Variants in FAM185A observed in about 807,000 individuals in gnomAD.
The protein encoded by FAM185A is family with sequence similarity 185 member A, also known as protein FAM185A.
In FAM185A, 21 loss-of-function variants were observed where a neutral mutation model predicts 45.7. That is an observed-to-expected ratio of 0.46 (90% confidence interval 0.33 to 0.66). The LOEUF (loss-of-function observed/expected upper bound fraction) is 0.66, where lower values mean the gene tolerates loss of function less well. Ranked by LOEUF, FAM185A falls within the 30% of genes least tolerant of loss-of-function variation. The pLI, the probability that FAM185A is intolerant of heterozygous loss-of-function variation, is 0.03. For synonymous variants in FAM185A, 117 were observed against 194.0 expected, an observed-to-expected ratio of 0.60 and a Z score of 3.30; for missense variants, 305 against 485.4, an observed-to-expected ratio of 0.63 and a Z score of 3.49.
chr7:102,837,830 A>G, the FAM185A span, among the ~76,000 whole-genome samples: 2,570 of 152,386 alleles, frequency 0.017, 67 homozygotes, highest in African/African-American at 0.059. Context: ...GGCATGAGCC[A>G]CTACGCCCAG....
At chr7:102,841,120 GGT>G in the FAM185A span, among the ~76,000 whole-genome samples, 1 of 152,130 alleles carries the variant, frequency 6.6e-6, no homozygotes, top group Non-Finnish European at 1.5e-5. Context: ...GCAAAGCCTA[GGT>G]GTGTCACATA....
At chr7:102,766,084 T>C (rs1794376256) in intron 4 of FAM185A, among the ~76,000 whole-genome samples, 1 of 152,252 alleles carries the variant, frequency 6.6e-6, no homozygotes. Context: ...TCTGACTCTA[T>C]TGGAGACAAT....
intron 5 of FAM185A, among the ~76,000 whole-genome samples, chr7:102,776,116 A>ACATATACACACACACATACAC (rs1198677194): frequency 7.9e-6 from 1 of 126,596 alleles, no homozygotes; most frequent in African/African-American, 3.7e-5. Flanking sequence ...ACACACACAC[A>ACATATACACACACACATACAC]AATGTTTTCT....
chr7:102,850,003 G>GT, the FAM185A span, among the ~76,000 whole-genome samples: 5 of 149,236 alleles, frequency 3.4e-5, no homozygotes, highest in East Asian at 3.9e-4. Flanking sequence ...GTTTTGTTTT[G>GT]TTTTTTTAGA....
At chr7:102,844,515 G>A in the FAM185A span, among the ~76,000 whole-genome samples, 6 of 152,138 alleles carry the variant, frequency 3.9e-5, no homozygotes, top group African/African-American at 9.7e-5. Context: ...AAAGACTGTC[G>A]TAAGAGTGGA....
At chr7:102,830,770 T>C in the FAM185A span, among the ~76,000 whole-genome samples, 2,146 of 152,332 alleles carry the variant, frequency 0.014, 24 homozygotes, top group Non-Finnish European at 0.023. Context: ...CTTCAGTGTG[T>C]ACAATAGAAG....
the FAM185A span, among the ~76,000 whole-genome samples, chr7:102,832,615 G>T: frequency 1.4e-4 from 21 of 152,096 alleles, no homozygotes; most frequent in Non-Finnish European, 2.8e-4. Context: ...TTTGACACAT[G>T]TTTATATTTG....
intron 6 of FAM185A, among the ~76,000 whole-genome samples, chr7:102,781,927 T>C (rs1264040150): frequency 2.0e-5 from 3 of 151,952 alleles, no homozygotes; most frequent in South Asian, 4.2e-4. Context: ...GATGAATGGC[T>C]AACTAGAATA....
chr7:102,832,794 G>T, the FAM185A span: 40 of 1,610,226 alleles, frequency 2.5e-5, no homozygotes, highest in Non-Finnish European at 3.1e-5. Context: ...TTGTCCCTTG[G>T]CAGTGCTTAA....
intron 7 of FAM185A, among the ~76,000 whole-genome samples, chr7:102,795,583 C>T (rs1340469882): frequency 6.6e-6 from 1 of 152,198 alleles, no homozygotes; most frequent in Non-Finnish European, 1.5e-5. Context: ...AGAACACTCC[C>T]TGAGTTAGGG....
the FAM185A span, among the ~76,000 whole-genome samples, chr7:102,825,230 A>G: frequency 2.6e-5 from 4 of 152,300 alleles, no homozygotes; most frequent in Non-Finnish European, 5.9e-5. Context: ...ACTTAACCCA[A>G]GATGTGGCAG....
At chr7:102,848,520 C>T in the FAM185A span, among the ~76,000 whole-genome samples, 1 of 37,488 alleles carries the variant, frequency 2.7e-5, no homozygotes, top group Non-Finnish European at 3.9e-5. Flanking sequence ...TGCGCCACTG[C>T]ACTCCAGCCT....
chr7:102,831,394 GACACACACACACACACACACACACAC>G, the FAM185A span, among the ~76,000 whole-genome samples: 33 of 141,654 alleles, frequency 2.3e-4, no homozygotes, highest in Non-Finnish European at 4.3e-4. Context: ...CAGTGCCCGG[GACACACACACACACACACACACACAC>G]ACACACACAC....
the FAM185A span, among the ~76,000 whole-genome samples, chr7:102,850,587 T>G: frequency 2.0e-5 from 3 of 152,206 alleles, no homozygotes; most frequent in South Asian, 4.1e-4. Flanking sequence ...AAATGCATGT[T>G]TAACCCTTAA....
chr7:102,756,465 G>A (rs1282100521), intron 2 of FAM185A, among the ~76,000 whole-genome samples: 1 of 151,408 alleles, frequency 6.6e-6, no homozygotes, highest in Admixed American at 6.6e-5. Flanking sequence ...AGACTATCCT[G>A]GCCAACACGG....
chr7:102,830,265 C>G, the FAM185A span, among the ~76,000 whole-genome samples: 106 of 152,306 alleles, frequency 7.0e-4, no homozygotes, highest in African/African-American at 2.3e-3. Flanking sequence ...TGCACTGGAG[C>G]CTTTTCTTTT....
intron 7 of FAM185A, among the ~76,000 whole-genome samples, chr7:102,796,564 C>T (rs1303956424): frequency 2.0e-5 from 3 of 152,164 alleles, no homozygotes; most frequent in Admixed American, 2.0e-4. Context: ...TGAACAAGGA[C>T]AGCTTGGTGA....
At chr7:102,834,134 G>GA in the FAM185A span, among the ~76,000 whole-genome samples, 841 of 82,070 alleles carry the variant, frequency 0.01, 10 homozygotes, top group Middle Eastern at 0.027. Flanking sequence ...AAGAAAGAAA[G>GA]AAAGAAAAGA....
At chr7:102,751,508 C>T (rs12113137) in intron 1 of FAM185A, among the ~76,000 whole-genome samples, 184 bp from the exon 2 acceptor site, 8,025 of 150,502 alleles carry the variant, frequency 0.053, 242 homozygotes, top group African/African-American at 0.058. Flanking sequence ...TTTCTAAAAA[C>T]GGGCAGAAAG....
Sources: gnomAD v4.1 joint callset for allele counts (sites outside exome capture counted in the v4.1 genomes callset) on GRCh38, gnomAD v4.1.1 for gene constraint, MANE v1.5 for transcripts, NCBI Gene and HGNC (gene_info 2026-07-23, HGNC 2026-07-21) for gene names.